The following H3C6 variants were observed in gnomAD, a reference collection of about 807,000 sequenced individuals.
H3C6 encodes the protein H3 clustered histone 6.
In H3C6, 17 loss-of-function variants were observed where a neutral mutation model predicts 8.0. That is an observed-to-expected ratio of 2.13 (90% CI 1.46 to 3.19). The LOEUF is 3.19. Ranked by LOEUF, H3C6 falls within the 30% of genes most tolerant of loss-of-function variation. The pLI is 0.00. For missense variants in H3C6, 298 were observed against 193.8 expected (o/e 1.54, Z -3.19); for synonymous variants, 169 against 78.0 (o/e 2.17, Z -6.15).
chr6:26,225,212 C>A lies in H3C6; in HGVS notation c.58C>A (p.Gln20Lys), dbSNP rs772573170. 6.2e-7 allele frequency: 1 copy of A among 1,606,692 alleles called. No individual in the cohort carries two copies. Among genetic ancestry groups the A allele is most frequent in the East Asian group, 2.2e-5 (1 of 44,844 alleles). The stretch of plus-strand genomic sequence containing the variant: ...CACAGGCGGTAAAGCACCGCGCAAA[C>A]AGCTGGCCACTAAGGCAGCTCGCAA... ...KSTGGKAPRKQLATKAARKSA... is the reference protein window; with the variant it reads ...KSTGGKAPRKKLATKAARKSA... The change falls in exon 1 of 1, where the codon CAG becomes AAG. Residue 20 changes from glutamine to lysine, a missense_variant. Gln to Lys is a moderately conservative substitution (Grantham distance 53). Coordinates refer to ENST00000614911, the MANE Select transcript of H3C6 (RefSeq NM_003532.3).
chr6:26,225,576 G>A lies in H3C6; in HGVS notation c.*11G>A, dbSNP rs1484051584. 7 of 1,607,132 alleles carry A rather than the reference G, an allele frequency of 4.4e-6. No homozygotes were observed. Among genetic ancestry groups the A allele is most frequent in the Non-Finnish European group, 5.9e-6 (7 of 1,176,686 alleles). On this transcript the variant is annotated 3_prime_UTR_variant, in exon 1 of 1. Coordinates refer to ENST00000614911, the MANE Select transcript of H3C6 (RefSeq NM_003532.3). ...GGGGAGAGGGCGTGAATTGTTTTGA[G>A]TACAAACCTTAAATCCAAAGGCTCT...
Position 26,225,441 on chromosome 6 carries a change from C to T in H3C6, c.287C>T (p.Ala96Val), listed in dbSNP as rs767581284. 5.6e-6 allele frequency: 9 copies of T among 1,614,108 alleles called. No individual in the cohort carries two copies. Among genetic ancestry groups the T allele is most frequent in the Admixed American group, 1.7e-5 (1 of 60,014 alleles). The change falls in exon 1 of 1, where the codon GCC becomes GTC. Residue 96 changes from alanine (A) to valine (V), a missense_variant. Coordinates refer to ENST00000614911, the MANE Select transcript of H3C6 (RefSeq NM_003532.3). The stretch of plus-strand genomic sequence containing the variant: ...TCCGCGGTGATGGCGCTGCAGGAGG[C>T]CTGCGAGGCCTACTTGGTGGGGCTT... ...QSSAVMALQE[A>V]CEAYLVGLFE...
chr6:26,224,223 G>A (rs760065619), upstream of H3C6: 1 of 152,322 alleles, frequency 6.6e-6, no homozygotes, highest in Admixed American at 6.5e-5. Context: ...ATCTTTTCCA[G>A]TAAACATTTG....
upstream of H3C6, chr6:26,224,814 C>T (rs1765592193): frequency 6.0e-6 from 1 of 166,674 alleles, no homozygotes; most frequent in African/African-American, 2.4e-5. Context: ...AATTCTAAAG[C>T]ACTTTCTAAC....
chr6:26,226,764 T>G (rs967250661), downstream of H3C6: 1 of 152,232 alleles, frequency 6.6e-6, no homozygotes, highest in East Asian at 1.9e-4. Context: ...TAAGGAATTC[T>G]GTTACGAAAT....
In H3C6 at chr6:26,225,518, C is replaced by CCTA; in HGVS notation, c.365_367dup (p.Pro122_Lys123insThr). 1 of 1,614,168 alleles carries CCTA rather than the reference C, an allele frequency of 6.2e-7. No individual in the cohort carries two copies. Among genetic ancestry groups the CCTA allele is most frequent in the South Asian group, 1.1e-5 (1 of 91,086 alleles). On this transcript the variant is annotated inframe_insertion, in exon 1 of 1. Transcript: ENST00000614911. Reference sequence around the variant, plus strand: ...TCATGCCAAACGCGTGACCATCATGCCTAAAGACATCCAGCTTGCCCGCCG... The same window carrying CCTA: ...TCATGCCAAACGCGTGACCATCATGCCTACTAAAGACATCCAGCTTGCCCGCCG...
chr6:26,224,275 G>A (rs972136761), upstream of H3C6: 5 of 152,150 alleles, frequency 3.3e-5, no homozygotes, highest in African/African-American at 1.2e-4. Flanking sequence ...GTGTGGAAGC[G>A]AAAACCAAGT....
In H3C6 at chr6:26,225,411, A is replaced by G; in HGVS notation, c.257A>G (p.Gln86Arg). ...GACTTCAAGACCGACCTGCGCTTCC[A>G]GAGTTCCGCGGTGATGGCGCTGCAG... The part of the protein sequence containing the change: ...AQDFKTDLRF[Q>R]SSAVMALQEA... Residue 86 changes from glutamine to arginine, a missense_variant, in exon 1 of 1, where the codon CAG (glutamine) becomes CGG (arginine). By Grantham distance (43) the Gln-to-Arg change is conservative (BLOSUM62 1). Transcript: ENST00000614911. 7 of 1,614,252 alleles carry G rather than the reference A, an allele frequency of 4.3e-6. No homozygotes were observed. The highest frequency in any genetic ancestry group is 5.1e-6 in the Non-Finnish European group (6 of 1,180,034).
chr6:26,226,940 A>G (rs1165125228), downstream of H3C6: 1 of 152,184 alleles, frequency 6.6e-6, no homozygotes, highest in African/African-American at 2.4e-5. Flanking sequence ...ACTTTTTTGA[A>G]TGTGCTCTTT....
chr6:26,226,118 A>C (rs1207232833), downstream of H3C6: 1 of 153,686 alleles, frequency 6.5e-6, no homozygotes, highest in African/African-American at 2.4e-5. Context: ...GGTGCGGTCA[A>C]CGTTACTCTC....
downstream of H3C6, chr6:26,226,218 C>A (rs1381650467): frequency 6.6e-6 from 1 of 152,242 alleles, no homozygotes; most frequent in African/African-American, 2.4e-5. Flanking sequence ...GACTTGACAG[C>A]CTTGCATAGG....
chr6:26,225,274 T>C lies in H3C6; in HGVS notation c.120T>C (p.His40=), dbSNP rs1765604264. ...APATGGVKKP[H]RYRPGTVALR... is the part of the protein sequence containing the mutation. ...CCACGGGCGGCGTGAAGAAGCCCCA[T>C]CGCTACCGCCCTGGCACCGTGGCTC... Residue 40 remains histidine, a synonymous_variant, in exon 1 of 1, where the codon CAT becomes CAC. Transcript: ENST00000614911. The C allele has an allele frequency of 6.2e-7, 1 of 1,614,106 alleles. No homozygotes were observed. Among genetic ancestry groups the C allele is most frequent in the Non-Finnish European group, 8.5e-7 (1 of 1,179,978 alleles).
Position 26,225,147 on chromosome 6 carries a change from G to C in H3C6, c.-8G>C. On this transcript the variant is annotated 5_prime_UTR_variant, in exon 1 of 1. Transcript: ENST00000614911. ...ATCTTCCTAACTCATTTACTTTGCAGATGAACTATGGCGCGTACTAAGCAG... is the reference window on the plus strand; with the variant it reads ...ATCTTCCTAACTCATTTACTTTGCACATGAACTATGGCGCGTACTAAGCAG... 6.5e-7 allele frequency: 1 copy of C among 1,532,390 alleles called. No homozygotes were observed. The highest frequency in any genetic ancestry group is 8.8e-7 in the Non-Finnish European group (1 of 1,140,854). The allele number at this position is 1,532,390 out of a possible 1,614,324, so 94.9% of individuals were successfully genotyped here. A position where few individuals can be genotyped will look rare whatever the true frequency, so the allele number is the denominator to read the frequency against.
Position 26,225,602 on chromosome 6 carries a change from T to A in H3C6, c.*37T>A. 6.3e-7 allele frequency: 1 copy of A among 1,582,162 alleles called. No individual in the cohort carries two copies. The highest frequency in any genetic ancestry group is 8.6e-7 in the Non-Finnish European group (1 of 1,164,372). On this transcript the variant is annotated 3_prime_UTR_variant, in exon 1 of 1. Coordinates refer to ENST00000614911, the MANE Select transcript of H3C6 (RefSeq NM_003532.3). ...TACAAACCTTAAATCCAAAGGCTCTTCTCAGAGCCAACCACTTTGTCCGTG... is the reference window on the plus strand; with the variant it reads ...TACAAACCTTAAATCCAAAGGCTCTACTCAGAGCCAACCACTTTGTCCGTG...
In H3C6 at chr6:26,225,266, AAG is replaced by A. The variant is rs1236665500; in HGVS notation, c.113_114del (p.Lys38ThrfsTer85). On this transcript the variant is annotated frameshift_variant, in exon 1 of 1. Coordinates refer to ENST00000614911, the MANE Select transcript of H3C6 (RefSeq NM_003532.3). LOFTEE classifies it high-confidence loss of function. ...KSAPATGGVK[K>X]PHRYRPGTVA... ...CGCTCCGGCCACGGGCGGCGTGAAG[AAG>A]CCCCATCGCTACCGCCCTGGCACCG... is the stretch of plus-strand genomic sequence containing the variant. 1.2e-6 allele frequency: 2 copies of A among 1,614,072 alleles called. No individual in the cohort carries two copies. Among genetic ancestry groups the A allele is most frequent in the Non-Finnish European group, 1.7e-6 (2 of 1,179,952 alleles).
upstream of H3C6, chr6:26,225,097 T>C: frequency 6.7e-7 from 1 of 1,500,272 alleles, no homozygotes; most frequent in East Asian, 2.3e-5. Context: ...AGAGTGATTC[T>C]GTTCCTATAT....
At chr6:26,227,335 A>C (rs1487391320), downstream of H3C6, 1 of 152,160 alleles carries the variant, frequency 6.6e-6, no homozygotes, top group Admixed American at 6.5e-5. Context: ...GTACGTGAGG[A>C]CTTGGACTTG....
upstream of H3C6, among the ~76,000 whole-genome samples, chr6:26,224,634 T>G (rs1449465472): frequency 6.6e-6 from 1 of 152,216 alleles, no homozygotes; most frequent in African/African-American, 2.4e-5. Context: ...AAGTTCCTTA[T>G]GCTTAACAGT....
downstream of H3C6, chr6:26,225,686 A>G: frequency 8.3e-7 from 1 of 1,204,920 alleles, no homozygotes; most frequent in East Asian, 2.4e-5. Context: ...ATCCAAATAG[A>G]CATTTGAAAT....
Sources: allele counts gnomAD v4.1 joint callset (sites outside exome capture counted in the v4.1 genomes callset), GRCh38; gene constraint gnomAD v4.1.1; transcripts MANE v1.5; gene names NCBI Gene and HGNC (gene_info 2026-07-23, HGNC 2026-07-21).